The following SCYL2 variants were observed in gnomAD, a reference collection of about 807,000 sequenced individuals.
SCYL2 encodes the protein SCY1-like protein 2.
A neutral mutation model predicts 100.4 loss-of-function variants in SCYL2; 36 were observed. The observed-to-expected ratio is 0.36, with a 90% CI of 0.27 to 0.47. The LOEUF (loss-of-function observed/expected upper bound fraction) is 0.47. Ranked by LOEUF, SCYL2 falls within the 20% of genes least tolerant of loss-of-function variation. The pLI is 1.00. For synonymous variants in SCYL2, 330 were observed against 359.2 expected, an observed-to-expected ratio of 0.92 and a Z score of 0.92; for missense variants, 902 against 1,083.9, an observed-to-expected ratio of 0.83 and a Z score of 2.36.
intron 1 of SCYL2, among the ~76,000 whole-genome samples, chr12:100,272,993 A>G (rs1443498687): frequency 6.6e-6 from 1 of 152,024 alleles, no homozygotes; most frequent in Non-Finnish European, 1.5e-5. Context: ...TCTTGCTTTT[A>G]TATATTCTGA....
At chr12:100,270,086 A>C (rs542281861) in intron 1 of SCYL2, among the ~76,000 whole-genome samples, 124 of 151,164 alleles carry the variant, frequency 8.2e-4, no homozygotes, top group Admixed American at 7.1e-3. Flanking sequence ...TCCCAGGTTC[A>C]CGCCATTCTC....
In SCYL2 at chr12:100,334,211, G is replaced by T; in HGVS notation, c.1807G>T (p.Glu603Ter). The T allele has an allele frequency of 6.2e-7, 1 of 1,605,878 alleles. No homozygotes were observed. Reference protein sequence around the residue: ...SVIKEMLNRLESEHKTKLEQL... With the variant: ...SVIKEMLNRL ...CATAAAAGAAATGCTTAATAGATTG[G>T]AGTCTGAACATAAGACTAAACTGGA... Residue 603 changes from glutamate (E) to a stop codon, truncating the protein, a stop_gained, in exon 14 of 18, where the codon GAG (glutamate) becomes TAG (stop). Coordinates refer to ENST00000360820, the MANE Select transcript of SCYL2 (RefSeq NM_017988.6). LOFTEE classifies it high-confidence loss of function.
intron 4 of SCYL2, among the ~76,000 whole-genome samples, chr12:100,300,171 A>C (rs2096325836): frequency 6.6e-6 from 1 of 152,188 alleles, no homozygotes; most frequent in Non-Finnish European, 1.5e-5. Context: ...TAGGTGAAAT[A>C]TCTCTTCAGA....
intron 1 of SCYL2, among the ~76,000 whole-genome samples, chr12:100,269,301 C>T (rs779857002): frequency 5.9e-5 from 9 of 151,914 alleles, no homozygotes; most frequent in Non-Finnish European, 1.2e-4. Context: ...TATGCTACTT[C>T]CTCTGCTTGG....
At position 100,338,565 on chromosome 12, in the gene SCYL2, C is replaced by T. The variant is rs770654403; in HGVS notation, c.2183C>T (p.Ser728Leu). The part of the protein sequence containing the change: ...DLTDTLMDNM[S>L]SLTSLSVSTP... ...ACAGACACACTGATGGATAATATGT[C>T]ATCCTTGACCAGCCTTTCTGTTAGT... The change falls in exon 18 of 18, where the codon TCA becomes TTA. Residue 728 changes from serine (S) to leucine (L), a missense_variant. Coordinates refer to ENST00000360820, the MANE Select transcript of SCYL2 (RefSeq NM_017988.6). 6.2e-7 allele frequency: 1 copy of T among 1,612,690 alleles called. No homozygotes were observed. The highest frequency in any genetic ancestry group is 1.1e-5 in the South Asian group (1 of 90,894).
intron 3 of SCYL2, among the ~76,000 whole-genome samples, chr12:100,294,860 A>T (rs2135861030): frequency 6.7e-6 from 1 of 149,084 alleles, no homozygotes; most frequent in African/African-American, 2.5e-5. Flanking sequence ...CATTTCCCAG[A>T]CGGGGTGGCT....
At chr12:100,330,589 G>T (rs561692536) in intron 13 of SCYL2, among the ~76,000 whole-genome samples, 1 of 152,222 alleles carries the variant, frequency 6.6e-6, no homozygotes, top group Non-Finnish European at 1.5e-5. Context: ...AGACTGAGTT[G>T]GGTTACTGTT....
At chr12:100,318,299 C>T (rs1374102845) in intron 10 of SCYL2, among the ~76,000 whole-genome samples, 4 of 150,966 alleles carry the variant, frequency 2.6e-5, no homozygotes, top group Non-Finnish European at 4.4e-5. Flanking sequence ...ACAAAAATTC[C>T]GAAGATGCAT....
intron 3 of SCYL2, among the ~76,000 whole-genome samples, chr12:100,294,758 A>C (rs1317908223): frequency 8.5e-5 from 9 of 105,936 alleles, no homozygotes; most frequent in South Asian, 3.4e-4. Context: ...TGACCCCCCC[A>C]CCTCCCTCCC....
intron 4 of SCYL2, among the ~76,000 whole-genome samples, chr12:100,300,808 G>A (rs1048988412): frequency 1.3e-5 from 2 of 152,082 alleles, no homozygotes; most frequent in African/African-American, 2.4e-5. Flanking sequence ...TTCCATCTAT[G>A]TTGTTGCAAA....
intron 4 of SCYL2, among the ~76,000 whole-genome samples, chr12:100,309,133 TGC>T (rs370498116): frequency 4.7e-5 from 7 of 150,012 alleles, no homozygotes; most frequent in African/African-American, 1.2e-4. Context: ...TGTGTGTGTG[TGC>T]GCGCGCGTGT....
At chr12:100,294,934 T>A (rs1477517665) in intron 3 of SCYL2, among the ~76,000 whole-genome samples, 15 of 148,378 alleles carry the variant, frequency 1.0e-4, no homozygotes, top group Non-Finnish European at 2.1e-4. Context: ...GCTCCTCACT[T>A]CTCAGACGGG....
In SCYL2 at chr12:100,298,833, C is replaced by T. The variant is rs368013822; in HGVS notation, c.480+658C>T. ...TCCTGACCTCGTGATCCACCCACCT[C>T]GGCCTCCCAAAGTGCTGGGATTACA... On this transcript the variant is annotated intron_variant, in intron 4 of 17. Coordinates refer to ENST00000360820, the MANE Select transcript of SCYL2 (RefSeq NM_017988.6). 6.6e-5 allele frequency among the ~76,000 whole-genome samples: 10 copies of T among 152,300 alleles called. No homozygotes were observed. In the South Asian group the frequency reaches 2.1e-3, roughly 32 times the overall value.
intron 16 of SCYL2, among the ~76,000 whole-genome samples, 200 bp downstream of exon 16, chr12:100,336,106 A>G (rs1429569870): frequency 6.6e-6 from 1 of 152,090 alleles, no homozygotes; most frequent in African/African-American, 2.4e-5. Context: ...AGCTTCCATT[A>G]TTACTTGACT....
intron 4 of SCYL2, among the ~76,000 whole-genome samples, chr12:100,301,909 C>G (rs913904131): frequency 5.9e-5 from 9 of 152,208 alleles, no homozygotes; most frequent in Non-Finnish European, 8.8e-5. Context: ...GCCCAAGACC[C>G]ATGGCGTACT....
At chr12:100,334,978 CA>C (rs1465004650) in intron 14 of SCYL2, among the ~76,000 whole-genome samples, 1 of 151,952 alleles carries the variant, frequency 6.6e-6, no homozygotes, top group South Asian at 2.1e-4. Flanking sequence ...CTTCTGCCCA[CA>C]AGATGAAGAC....
At chr12:100,275,728 TA>T (rs2096291840) in intron 1 of SCYL2, among the ~76,000 whole-genome samples, 1 of 152,202 alleles carries the variant, frequency 6.6e-6, no homozygotes. Flanking sequence ...ATAGAAGTGG[TA>T]AAAGTGGGTA....
intron 12 of SCYL2, among the ~76,000 whole-genome samples, chr12:100,328,352 GT>G (rs1429186472): frequency 6.6e-6 from 1 of 152,202 alleles, no homozygotes; most frequent in Non-Finnish European, 1.5e-5. Flanking sequence ...GGCTCTGTCA[GT>G]TCTTGAGGTG....
At chr12:100,301,774 G>A (rs941456792) in intron 4 of SCYL2, among the ~76,000 whole-genome samples, 4 of 152,222 alleles carry the variant, frequency 2.6e-5, no homozygotes, top group South Asian at 4.1e-4. Context: ...CTATGGCCAA[G>A]CTGGTACCTA....
Sources: allele counts gnomAD v4.1 joint callset (sites outside exome capture counted in the v4.1 genomes callset), GRCh38; gene constraint gnomAD v4.1.1; transcripts MANE v1.5; gene names NCBI Gene and HGNC (gene_info 2026-07-23, HGNC 2026-07-21).